RADIL: variants seen among roughly 807,000 people sequenced by gnomAD.
RADIL encodes the protein Rap associating with DIL domain.
A neutral mutation model predicts 97.6 loss-of-function variants in RADIL; 99 were observed. That is an observed-to-expected ratio of 1.01 (90% CI 0.86 to 1.20). The LOEUF (loss-of-function observed/expected upper bound fraction) is 1.20. Among genes scored for constraint, RADIL ranks in the 50% most tolerant of loss-of-function variants. The pLI, the probability that RADIL is intolerant of heterozygous loss-of-function variation, is 0.00. For synonymous variants in RADIL, 803 were observed against 691.8 expected (o/e 1.16, Z -2.52); for missense variants, 1,765 against 1,498.9 (o/e 1.18, Z -2.93).
rs760346596 is a variant in RADIL at position 4,817,193 on chromosome 7, G to A, written c.1728+46C>T. ...ACAGGCACAAGCTTGAGCCCCACTTGATCCCAGGAGCTGCCTGAGTGCAGA... is the reference window on the plus strand; with the variant it reads ...ACAGGCACAAGCTTGAGCCCCACTTAATCCCAGGAGCTGCCTGAGTGCAGA... On this transcript the variant is annotated intron_variant, in intron 7 of 14. Coordinates refer to ENST00000399583, the MANE Select transcript of RADIL (RefSeq NM_018059.5). This position sits in a 1 kb window ranked among gnomAD's most constrained non-coding sequence, Gnocchi z 8.3. 2 of 1,541,926 alleles carry A rather than the reference G, an allele frequency of 1.3e-6. No homozygotes were observed. The highest frequency in any genetic ancestry group is 2.3e-5 in the East Asian group (1 of 43,782).
chr7:4,838,305 AAC>A (rs1783355722), intron 2 of RADIL, among the ~76,000 whole-genome samples: 1 of 152,138 alleles, frequency 6.6e-6, no homozygotes, highest in South Asian at 2.1e-4. Context: ...GAAGAACAAA[AAC>A]AGCTCCAAAT....
rs1366507200 is a variant in RADIL, at chr7:4,816,414, C to G, written c.1780G>C (p.Glu594Gln). 3 of 1,609,246 alleles carry G rather than the reference C, an allele frequency of 1.9e-6. No individual in the cohort carries two copies. The highest frequency in any genetic ancestry group is 1.7e-6 in the Non-Finnish European group (2 of 1,178,756). The change falls in exon 8 of 15, where the codon GAG becomes CAG. Residue 594 changes from glutamate to glutamine, a missense_variant. Coordinates refer to ENST00000399583, the MANE Select transcript of RADIL (RefSeq NM_018059.5). Reference sequence around the variant, plus strand: ...GCCGAGGACCAGCTCTCACGGCGCTCCGTCTGGAATGGCGGGCACTCCAGG... The same window carrying G: ...GCCGAGGACCAGCTCTCACGGCGCTGCGTCTGGAATGGCGGGCACTCCAGG... ...ALLECPPFQTERRESWSSAPE... is the reference protein window; with the variant it reads ...ALLECPPFQTQRRESWSSAPE...
chr7:4,870,665 A>C (rs1432494064), intron 2 of RADIL, among the ~76,000 whole-genome samples: 1 of 152,114 alleles, frequency 6.6e-6, no homozygotes, highest in Non-Finnish European at 1.5e-5. Flanking sequence ...GCTGGTCTGG[A>C]ACTCCTGACC....
At chr7:4,823,329 ACC>A (rs1782886034) in intron 5 of RADIL, among the ~76,000 whole-genome samples, 1 of 138,580 alleles carries the variant, frequency 7.2e-6, no homozygotes, top group African/African-American at 2.8e-5. Context: ...ATTATTAAAA[ACC>A]TTTTTTTTTT....
At chr7:4,875,997 CTTTTTA>C (rs1210404375) in intron 2 of RADIL, among the ~76,000 whole-genome samples, 1 of 152,062 alleles carries the variant, frequency 6.6e-6, no homozygotes, top group Non-Finnish European at 1.5e-5. Flanking sequence ...ACAAGTTACT[CTTTTTA>C]TTGTTATTTT....
At chr7:4,845,790 T>C (rs951294579) in intron 2 of RADIL, among the ~76,000 whole-genome samples, 6 of 152,182 alleles carry the variant, frequency 3.9e-5, no homozygotes, top group African/African-American at 1.4e-4. Context: ...AAAACCTAAT[T>C]AAGATAATGG....
chr7:4,839,940 G>C (rs1783399803), intron 2 of RADIL, among the ~76,000 whole-genome samples: 1 of 152,094 alleles, frequency 6.6e-6, no homozygotes, highest in Admixed American at 6.6e-5. Context: ...TTAGAGACAG[G>C]GTTTCACCGT....
At chr7:4,827,326 G>T (rs1259922407) in intron 5 of RADIL, among the ~76,000 whole-genome samples, 1 of 146,566 alleles carries the variant, frequency 6.8e-6, no homozygotes, top group East Asian at 2.1e-4. Flanking sequence ...GATTGCACCA[G>T]TGCACTCCAG....
chr7:4,806,000 C>A (rs546365859), intron 9 of RADIL: 17 of 985,332 alleles, frequency 1.7e-5, no homozygotes, highest in Admixed American at 6.1e-5. Context: ...CAGGCGGCCG[C>A]CAACCAGAGA....
Position 4,849,150 on chromosome 7 carries a change from A to AG in RADIL, c.536-12546_536-12545insC, listed in dbSNP as rs1205972585. On this transcript the variant is annotated intron_variant, in intron 2 of 14. Coordinates refer to ENST00000399583, the MANE Select transcript of RADIL (RefSeq NM_018059.5). The surrounding 1 kb of genome is among the most constrained non-coding windows in gnomAD (Gnocchi z 5.4). Reference sequence around the variant, plus strand: ...GGAAATTCTGTCTCAAAAAAAAAAAAAAAAAGGGAATTAAAAGCCAGAAAG... The same window carrying AG: ...GGAAATTCTGTCTCAAAAAAAAAAAAGAAAAAGGGAATTAAAAGCCAGAAAG... 6.6e-6 allele frequency among the ~76,000 whole-genome samples: 1 copy of AG among 152,032 alleles called. No individual in the cohort carries two copies. The highest frequency in any genetic ancestry group is 1.5e-5 in the Non-Finnish European group (1 of 68,012).
At chr7:4,861,251 T>C (rs1373291317) in intron 2 of RADIL, 7 of 1,614,092 alleles carry the variant, frequency 4.3e-6, no homozygotes, top group Non-Finnish European at 5.9e-6. Flanking sequence ...TAGACTGTCA[T>C]CTCTTAAGTC....
At position 4,835,669 on chromosome 7, in the gene RADIL, G is replaced by C. The variant is rs1446391524; in HGVS notation, c.784-430C>G. 6.6e-6 allele frequency among the ~76,000 whole-genome samples: 1 copy of C among 151,930 alleles called. No individual in the cohort carries two copies. The highest frequency in any genetic ancestry group is 1.5e-5 in the Non-Finnish European group (1 of 67,988). On this transcript the variant is annotated intron_variant, in intron 3 of 14. Transcript: ENST00000399583. The surrounding 1 kb of genome is among the most constrained non-coding windows in gnomAD (Gnocchi z 5.8). ...GCCGCCTGTGTGAGAGCACTGCCCC[G>C]AGGGAAGATGCCACCTAAAACCTGG...
At chr7:4,802,962 G>T (rs541508221) in intron 11 of RADIL, among the ~76,000 whole-genome samples, 1 of 77,046 alleles carries the variant, frequency 1.3e-5, no homozygotes, top group African/African-American at 8.0e-5. Context: ...CGCTGGCTGG[G>T]GGGCCCCCTC....
At chr7:4,838,278 T>C (rs539145154) in intron 2 of RADIL, among the ~76,000 whole-genome samples, 82 of 152,122 alleles carry the variant, frequency 5.4e-4, no homozygotes, top group African/African-American at 1.9e-3. Context: ...TGCACAACTA[T>C]GGGGCCAGAT....
At chr7:4,881,062 G>C (rs10230931) in intron 1 of RADIL, among the ~76,000 whole-genome samples, 63,518 of 132,880 alleles carry the variant, frequency 0.48, 17,049 homozygotes, top group African/African-American at 0.75. Context: ...ATTGCGCCAC[G>C]TCACTCCAGC....
chr7:4,810,714 C>T lies in RADIL; in HGVS notation c.2139+4564G>A, dbSNP rs555501313. ...GTCAGCTTCAGCTGACGCTGCCAGA[C>T]GGCTTTCCAAAGTGGCGAGCCTCAT... On this transcript the variant is annotated intron_variant, in intron 9 of 14. Coordinates refer to ENST00000399583, the MANE Select transcript of RADIL (RefSeq NM_018059.5). Among the ~76,000 whole-genome samples the T allele has an allele frequency of 2.2e-4, 34 of 152,350 alleles. 1 individual carries two copies. In the South Asian group the frequency reaches 4.6e-3, roughly 20 times the overall value.
chr7:4,804,112 T>C, intron 10 of RADIL: 1 of 342,510 alleles, frequency 2.9e-6, no homozygotes, highest in Non-Finnish European at 5.7e-6. Context: ...CCGGCAGAGC[T>C]GGACGCAAGC....
Position 4,835,308 on chromosome 7 carries a change from G to T in RADIL, c.784-69C>A. 2.6e-6 allele frequency: 4 copies of T among 1,552,074 alleles called. No homozygotes were observed. Among genetic ancestry groups the T allele is most frequent in the Non-Finnish European group, 3.5e-6 (4 of 1,154,002 alleles). On this transcript the variant is annotated intron_variant, in intron 3 of 14. Coordinates refer to ENST00000399583, the MANE Select transcript of RADIL (RefSeq NM_018059.5). This position sits in a 1 kb window ranked among gnomAD's most constrained non-coding sequence, Gnocchi z 5.8. ...ACACGGGAAAAGCGTCCCGTGTCTA[G>T]TCACTGGTTGCTGAAGCAGCGTGGC...
chr7:4,848,204 G>A lies in RADIL; in HGVS notation c.536-11599C>T, dbSNP rs569654056. 5.8e-4 allele frequency among the ~76,000 whole-genome samples: 78 copies of A among 135,614 alleles called. 1 individual carries two copies. The highest frequency in any genetic ancestry group is 1.9e-3 in the African/African-American group (65 of 34,076). The allele number at this position is 135,614 out of a possible 152,430, so 89.0% of individuals were successfully genotyped here. Reference sequence around the variant, plus strand: ...GACTGCACAGACTGGGTGACTGAGTGAGACCCCGTCTCAAAAAAAAAAAAA... The same window carrying A: ...GACTGCACAGACTGGGTGACTGAGTAAGACCCCGTCTCAAAAAAAAAAAAA... On this transcript the variant is annotated intron_variant, in intron 2 of 14. Transcript: ENST00000399583.
Sources: gnomAD v4.1 joint callset for allele counts (sites outside exome capture counted in the v4.1 genomes callset) on GRCh38, gnomAD v4.1.1 for gene constraint, Gnocchi (gnomAD v3.1) non-coding constraint, MANE v1.5 for transcripts, NCBI Gene and HGNC (gene_info 2026-07-23, HGNC 2026-07-21) for gene names.